Variants in ATG5 observed in about 807,000 individuals in gnomAD.
ATG5 encodes autophagy protein 5.
A neutral mutation model predicts 36.5 loss-of-function variants in ATG5; 14 were observed. That is an observed-to-expected ratio of 0.38 (90% CI 0.25 to 0.60). The LOEUF is 0.60. Among genes scored for constraint, ATG5 ranks in the 20% least tolerant of loss-of-function variants. The pLI, the probability that ATG5 is intolerant of heterozygous loss-of-function variation, is 0.60. For missense variants in ATG5, 195 were observed against 326.7 expected, an observed-to-expected ratio of 0.60 and a Z score of 3.11; for synonymous variants, 95 against 101.5, an observed-to-expected ratio of 0.94 and a Z score of 0.38.
intron 5 of ATG5, among the ~76,000 whole-genome samples, chr6:106,259,837 A>G (rs1331807709): frequency 6.6e-6 from 1 of 152,254 alleles, no homozygotes. Context: ...AGCACTATTC[A>G]CGGTAGCAAA....
At chr6:106,266,696 CA>C (rs1779242053) in intron 5 of ATG5, among the ~76,000 whole-genome samples, 1 of 152,196 alleles carries the variant, frequency 6.6e-6, no homozygotes, top group African/African-American at 2.4e-5. Flanking sequence ...GCTGATTCAA[CA>C]CACACAAATC....
rs1358425420 is a variant in ATG5, at chr6:106,269,506, G to A, written c.478+10155C>T. Among the ~76,000 whole-genome samples, 3 of 152,370 alleles carry A rather than the reference G, an allele frequency of 2.0e-5. 1 individual carries two copies. Among genetic ancestry groups the A allele is most frequent in the South Asian group, 4.1e-4 (2 of 4,832 alleles). ...CCGCACAGGAGCCCATGGAAGGGGT[G>A]GGAGGCTCAGGCATGGCGGGCTGCA... is the stretch of plus-strand genomic sequence containing the variant. On this transcript the variant is annotated intron_variant, in intron 5 of 7. Transcript: ENST00000369076.
intron 6 of ATG5, among the ~76,000 whole-genome samples, chr6:106,210,331 A>G (rs1176259704): frequency 2.6e-5 from 4 of 152,260 alleles, no homozygotes; most frequent in Non-Finnish European, 5.9e-5. Flanking sequence ...AATATATACT[A>G]TAACAGAGCA....
intron 6 of ATG5, among the ~76,000 whole-genome samples, chr6:106,219,334 A>C (rs1777154571): frequency 6.6e-6 from 1 of 152,210 alleles, no homozygotes; most frequent in Non-Finnish European, 1.5e-5. Context: ...AAGTTCAAAA[A>C]TAAGTATAAC....
intron 3 of ATG5, among the ~76,000 whole-genome samples, chr6:106,303,230 A>G (rs1057389119): frequency 8.6e-5 from 13 of 152,012 alleles, no homozygotes; most frequent in African/African-American, 2.9e-4. Context: ...GCTGACAAAA[A>G]TGAAGACAAC....
intron 2 of ATG5, among the ~76,000 whole-genome samples, chr6:106,309,267 T>C (rs755184542): frequency 1.3e-5 from 2 of 152,210 alleles, no homozygotes; most frequent in Non-Finnish European, 2.9e-5. Context: ...TTCAAGGTGA[T>C]ATCTTTTGAC....
At chr6:106,209,331 G>A (rs1252451607) in intron 6 of ATG5, among the ~76,000 whole-genome samples, 4 of 152,096 alleles carry the variant, frequency 2.6e-5, no homozygotes, top group African/African-American at 7.2e-5. Flanking sequence ...TCTGTCCCAC[G>A]GAATACTACT....
At chr6:106,203,588 A>C (rs1051597787) in intron 6 of ATG5, among the ~76,000 whole-genome samples, 1 of 152,200 alleles carries the variant, frequency 6.6e-6, no homozygotes, top group African/African-American at 2.4e-5. Context: ...AGAACAGAGA[A>C]ATGCCATACA....
At chr6:106,243,889 T>C (rs1245621088) in intron 6 of ATG5, among the ~76,000 whole-genome samples, 2 of 133,708 alleles carry the variant, frequency 1.5e-5, no homozygotes, top group Non-Finnish European at 3.2e-5. Flanking sequence ...AAAACAAAGA[T>C]AAGTAGGAAC....
chr6:106,299,004 A>G (rs745781448), intron 3 of ATG5, among the ~76,000 whole-genome samples: 3 of 152,194 alleles, frequency 2.0e-5, no homozygotes, highest in Non-Finnish European at 2.9e-5. Flanking sequence ...CAACACAGAA[A>G]CCACATATAC....
intron 1 of ATG5, among the ~76,000 whole-genome samples, chr6:106,321,716 T>C (rs1032557497): frequency 2.0e-5 from 3 of 152,170 alleles, no homozygotes; most frequent in South Asian, 2.1e-4. Flanking sequence ...TTTTCCCCTA[T>C]GCAGCCTCTA....
At chr6:106,199,336 AC>A (rs1460764313) in intron 7 of ATG5, among the ~76,000 whole-genome samples, 1 of 152,232 alleles carries the variant, frequency 6.6e-6, no homozygotes, top group Non-Finnish European at 1.5e-5. Context: ...ATCAGCTGGT[AC>A]AGGGAGAACC....
intron 3 of ATG5, among the ~76,000 whole-genome samples, chr6:106,296,541 G>A (rs1489350980): frequency 2.6e-5 from 4 of 152,194 alleles, no homozygotes; most frequent in African/African-American, 9.7e-5. Flanking sequence ...ATGCAGGCTG[G>A]GCGTGGTGGC....
At chr6:106,269,192 A>G (rs1290187161) in intron 5 of ATG5, among the ~76,000 whole-genome samples, 1 of 152,036 alleles carries the variant, frequency 6.6e-6, no homozygotes, top group African/African-American at 2.4e-5. Flanking sequence ...CTAGTTACAG[A>G]GTGTCGATTG....
intron 5 of ATG5, among the ~76,000 whole-genome samples, chr6:106,255,755 A>G (rs1220338286): frequency 1.3e-5 from 2 of 152,218 alleles, no homozygotes; most frequent in African/African-American, 4.8e-5. Flanking sequence ...TCTAATAATA[A>G]TGATCTTCAA....
chr6:106,197,442 T>C (rs1216689970), intron 7 of ATG5, among the ~76,000 whole-genome samples: 1 of 146,920 alleles, frequency 6.8e-6, no homozygotes, highest in Non-Finnish European at 1.5e-5. Context: ...TGTTATAGTG[T>C]GGTTGCTTGT....
Position 106,214,516 on chromosome 6 carries a change from C to T in ATG5, c.574-12427G>A, listed in dbSNP as rs375539564. ...TATTATAGTCAGGGACACTTAATCT[C>T]CAAAGGAGAAGTTTCTTAATTGATA... On this transcript the variant is annotated intron_variant, in intron 6 of 7. Coordinates refer to ENST00000369076, the MANE Select transcript of ATG5 (RefSeq NM_004849.4). Among the ~76,000 whole-genome samples the T allele has an allele frequency of 6.6e-5, 10 of 152,170 alleles. No individual in the cohort carries two copies. In the East Asian group the frequency reaches 1.4e-3, roughly 21 times the overall value.
At chr6:106,316,461 G>A (rs967605433) in intron 1 of ATG5, among the ~76,000 whole-genome samples, 195 bp from the exon 2 acceptor site, 2 of 151,552 alleles carry the variant, frequency 1.3e-5, no homozygotes, top group Non-Finnish European at 2.9e-5. Flanking sequence ...TATTACTTAT[G>A]TAAAGGAATC....
At chr6:106,302,564 C>T (rs1023618731) in intron 3 of ATG5, among the ~76,000 whole-genome samples, 1 of 151,806 alleles carries the variant, frequency 6.6e-6, no homozygotes, top group Admixed American at 6.6e-5. Flanking sequence ...GCCTGAATCC[C>T]GAAAAACAAA....
Sources: allele counts gnomAD v4.1 joint callset (sites outside exome capture counted in the v4.1 genomes callset), GRCh38; gene constraint gnomAD v4.1.1; transcripts MANE v1.5; gene names NCBI Gene and HGNC (gene_info 2026-07-23, HGNC 2026-07-21).